The following SEPTIN9 variants were observed in gnomAD, a reference collection of about 807,000 sequenced individuals.
SEPTIN9 encodes septin-9.
In SEPTIN9, 13 loss-of-function variants were observed where a neutral mutation model predicts 56.6. That is an observed-to-expected ratio of 0.23 (90% confidence interval 0.15 to 0.37). The LOEUF (loss-of-function observed/expected upper bound fraction) is 0.37, where lower values mean the gene tolerates loss of function less well. Among genes scored for constraint, SEPTIN9 ranks in the 10% least tolerant of loss-of-function variants. SEPTIN9 has a pLI of 1.00. For missense variants in SEPTIN9, 650 were observed against 823.1 expected, an observed-to-expected ratio of 0.79 and a Z score of 2.57; for synonymous variants, 332 against 334.1, an observed-to-expected ratio of 0.99 and a Z score of 0.07.
rs1431231272 is a variant in SEPTIN9 at position 77,371,493 on chromosome 17, A to G, written c.77-30566A>G. Reference sequence around the variant, plus strand: ...CTTTTTAGAAAAACACTCGAGAATAATGCTGTGGCTTAGGATGGCTGTTGT... The same window carrying G: ...CTTTTTAGAAAAACACTCGAGAATAGTGCTGTGGCTTAGGATGGCTGTTGT... On this transcript the variant is annotated intron_variant, in intron 2 of 11. Coordinates refer to ENST00000427177, the MANE Select transcript of SEPTIN9 (RefSeq NM_001113491.2). The surrounding 1 kb of genome is among the most constrained non-coding windows in gnomAD (Gnocchi z 4.1). Among the ~76,000 whole-genome samples, 1 of 152,184 alleles carries G rather than the reference A, an allele frequency of 6.6e-6. No homozygotes were observed. The highest frequency in any genetic ancestry group is 1.9e-4 in the East Asian group (1 of 5,200).
Position 77,449,472 on chromosome 17 carries a change from G to A in SEPTIN9, c.722-32672G>A, listed in dbSNP as rs1166424018. 6.6e-6 allele frequency among the ~76,000 whole-genome samples: 1 copy of A among 152,174 alleles called. No individual in the cohort carries two copies. Among genetic ancestry groups the A allele is most frequent in the African/African-American group, 2.4e-5 (1 of 41,444 alleles). ...AGCAGGGTCTTGGGCCCTGGGAAAA[G>A]CCTGGGGGGCCAGAAAGCTGGGGGA... On this transcript the variant is annotated intron_variant, in intron 3 of 11. Transcript: ENST00000427177. This position sits in a 1 kb window ranked among gnomAD's most constrained non-coding sequence, Gnocchi z 4.6.
At chr17:77,355,363 G>C (rs2143822722) in intron 2 of SEPTIN9, among the ~76,000 whole-genome samples, 2 of 152,332 alleles carry the variant, frequency 1.3e-5, no homozygotes, top group Middle Eastern at 3.4e-3. Context: ...GTGGGTGATT[G>C]TCAGCCACAT....
intron 3 of SEPTIN9, among the ~76,000 whole-genome samples, chr17:77,416,291 A>G (rs974055877): frequency 2.6e-5 from 4 of 152,198 alleles, no homozygotes; most frequent in Non-Finnish European, 5.9e-5. Context: ...AGGTGGGGCC[A>G]GGAACAGGAA....
chr17:77,419,313 C>T (rs1031806464), intron 3 of SEPTIN9, among the ~76,000 whole-genome samples: 44 of 152,016 alleles, frequency 2.9e-4, no homozygotes, highest in African/African-American at 8.0e-4. Flanking sequence ...CTTTCAGGAC[C>T]GGAGTGGCAA....
At chr17:77,356,324 G>A (rs568585299) in intron 2 of SEPTIN9, among the ~76,000 whole-genome samples, 60 of 152,184 alleles carry the variant, frequency 3.9e-4, no homozygotes, top group Non-Finnish European at 6.2e-4. Context: ...TGGGGACTCC[G>A]GGCTGAGCTC....
chr17:77,480,222 A>G (rs1813862452), intron 3 of SEPTIN9, among the ~76,000 whole-genome samples: 1 of 152,146 alleles, frequency 6.6e-6, no homozygotes, highest in South Asian at 2.1e-4. Flanking sequence ...TCCATAAGAT[A>G]GGAATTCCTG....
chr17:77,479,223 G>A (rs1422298601), intron 3 of SEPTIN9, among the ~76,000 whole-genome samples: 1 of 152,240 alleles, frequency 6.6e-6, no homozygotes, highest in African/African-American at 2.4e-5. Context: ...CGCAGGCCTC[G>A]GACGGTGTCG....
Position 77,319,952 on chromosome 17 carries a change from C to T in SEPTIN9, c.76+12755C>T, listed in dbSNP as rs1025349305. The T allele has an allele frequency of 4.7e-5, 55 of 1,165,576 alleles. 1 individual carries two copies. Among genetic ancestry groups the T allele is most frequent in the East Asian group, 2.5e-4 (6 of 24,312 alleles). 72.2% of individuals were successfully genotyped at this position (1,165,576 alleles called of 1,614,324 possible). A position where few individuals can be genotyped will look rare whatever the true frequency, so the allele number is the denominator to read the frequency against. Reference sequence around the variant, plus strand: ...GGACCTCTGCAGCCACCGACCAGACCGGGCGGCCGGGACTCTGGGACTCTC... The same window carrying T: ...GGACCTCTGCAGCCACCGACCAGACTGGGCGGCCGGGACTCTGGGACTCTC... On this transcript the variant is annotated intron_variant, in intron 2 of 11. Coordinates refer to ENST00000427177, the MANE Select transcript of SEPTIN9 (RefSeq NM_001113491.2). The surrounding 1 kb of genome is among the most constrained non-coding windows in gnomAD (Gnocchi z 5.3).
In SEPTIN9 at chr17:77,497,376, AG is replaced by A; in HGVS notation, c.1625+13del. ...GGGACCTTCTCATCAGGTGAGAGACAGGGTGCTTGGGTGGGGCTGACGGCTT... is the reference window on the plus strand; with the variant it reads ...GGGACCTTCTCATCAGGTGAGAGACAGGTGCTTGGGTGGGGCTGACGGCTT... On this transcript the variant is annotated intron_variant, in intron 11 of 11. Coordinates refer to ENST00000427177, the MANE Select transcript of SEPTIN9 (RefSeq NM_001113491.2). The A allele has an allele frequency of 6.2e-7, 1 of 1,613,326 alleles. No individual in the cohort carries two copies. Among genetic ancestry groups the A allele is most frequent in the South Asian group, 1.1e-5 (1 of 90,924 alleles).
rs1474703925 is a variant in SEPTIN9 at position 77,475,215 on chromosome 17, T to C, written c.722-6929T>C. On this transcript the variant is annotated intron_variant, in intron 3 of 11. Transcript: ENST00000427177. This position sits in a 1 kb window ranked among gnomAD's most constrained non-coding sequence, Gnocchi z 4.6. Reference sequence around the variant, plus strand: ...CAAACCCTGTGTGGGGGGGTTGTGGTGAGAGGAAACCGCACACATCATTAT... The same window carrying C: ...CAAACCCTGTGTGGGGGGGTTGTGGCGAGAGGAAACCGCACACATCATTAT... 1 of 1,249,926 alleles carries C rather than the reference T, an allele frequency of 8.0e-7. No individual in the cohort carries two copies. Among genetic ancestry groups the C allele is most frequent in the African/African-American group, 1.5e-5 (1 of 66,450 alleles). The allele number at this position is 1,249,926 out of a possible 1,614,324, so 77.4% of individuals were successfully genotyped here. A position where few individuals can be genotyped will look rare whatever the true frequency, so the allele number is the denominator to read the frequency against.
chr17:77,311,739 G>A (rs761734444), intron 2 of SEPTIN9, among the ~76,000 whole-genome samples: 68 of 152,320 alleles, frequency 4.5e-4, no homozygotes, highest in Non-Finnish European at 6.6e-4. Flanking sequence ...TCAATGCACA[G>A]AGTAGCTGCT....
rs1171431567 is a variant in SEPTIN9 at position 77,445,264 on chromosome 17, C to T, written c.722-36880C>T. The T allele has an allele frequency of 2.1e-6, 1 of 469,664 alleles. No individual in the cohort carries two copies. The highest frequency in any genetic ancestry group is 1.5e-5 in the South Asian group (1 of 64,578). 29.1% of individuals were successfully genotyped at this position (469,664 alleles called of 1,614,324 possible). A position where few individuals can be genotyped will look rare whatever the true frequency, so the allele number is the denominator to read the frequency against. On this transcript the variant is annotated intron_variant, in intron 3 of 11. Transcript: ENST00000427177. This position sits in a 1 kb window ranked among gnomAD's most constrained non-coding sequence, Gnocchi z 4.7. ...GCATACCAGCCCTCAGAACCACATT[C>T]CTGCTCCCCAGCCCTTTCCTCCGCA... is the stretch of plus-strand genomic sequence containing the variant.
In SEPTIN9 at chr17:77,498,677, C is replaced by CCCGGG; in HGVS notation, c.*20_*21insCGGGC. The stretch of plus-strand genomic sequence containing the variant: ...GATGTAGACGCCACCCTGCCCACCC[C>CCCGGG]CGGGATCCTGCCCCCAAGTCATTTC... On this transcript the variant is annotated 3_prime_UTR_variant, in exon 12 of 12. Coordinates refer to ENST00000427177, the MANE Select transcript of SEPTIN9 (RefSeq NM_001113491.2). 6.6e-7 allele frequency: 1 copy of CCCGGG among 1,521,668 alleles called. No individual in the cohort carries two copies. Among genetic ancestry groups the CCCGGG allele is most frequent in the Non-Finnish European group, 8.8e-7 (1 of 1,130,316 alleles). 94.3% of individuals were successfully genotyped at this position (1,521,668 alleles called of 1,614,324 possible). A position where few individuals can be genotyped will look rare whatever the true frequency, so the allele number is the denominator to read the frequency against.
At chr17:77,491,899 G>A (rs2040047617) in intron 8 of SEPTIN9, among the ~76,000 whole-genome samples, 1 of 152,054 alleles carries the variant, frequency 6.6e-6, no homozygotes, top group Admixed American at 6.5e-5. Flanking sequence ...GGATAGGGAG[G>A]GGCATCCAAG....
chr17:77,488,599 A>C, intron 6 of SEPTIN9, 128 bp from the exon 7 acceptor site: 1 of 1,362,074 alleles, frequency 7.3e-7, no homozygotes, highest in Non-Finnish European at 1.0e-6. Flanking sequence ...TCCGCTCAGC[A>C]AGCCAGACCT....
At chr17:77,285,830 T>C (rs973184638) in intron 1 of SEPTIN9, among the ~76,000 whole-genome samples, 3 of 152,234 alleles carry the variant, frequency 2.0e-5, no homozygotes, top group African/African-American at 7.2e-5. Flanking sequence ...AAGCAGCTTC[T>C]GCCGTGATTC....
At chr17:77,368,472 C>T (rs758175363) in intron 2 of SEPTIN9, among the ~76,000 whole-genome samples, 10 of 152,172 alleles carry the variant, frequency 6.6e-5, no homozygotes, top group Admixed American at 5.2e-4. Context: ...CCACCACGCC[C>T]GGCTGATTTT....
chr17:77,293,164 A>G (rs1046454172), intron 1 of SEPTIN9, among the ~76,000 whole-genome samples: 1 of 151,980 alleles, frequency 6.6e-6, no homozygotes, highest in Non-Finnish European at 1.5e-5. Context: ...CTATAGGTGC[A>G]CACTATATGC....
intron 2 of SEPTIN9, among the ~76,000 whole-genome samples, chr17:77,358,808 A>G (rs1305468922): frequency 6.6e-6 from 1 of 152,200 alleles, no homozygotes; most frequent in Non-Finnish European, 1.5e-5. Context: ...GCCCTGCCAG[A>G]CAGGTGGGAT....
Sources: allele counts gnomAD v4.1 joint callset (sites outside exome capture counted in the v4.1 genomes callset), GRCh38; gene constraint gnomAD v4.1.1; non-coding constraint Gnocchi (gnomAD v3.1); transcripts MANE v1.5; gene names NCBI Gene and HGNC (gene_info 2026-07-23, HGNC 2026-07-21).